Variants in PXDC1 observed in about 807,000 individuals in gnomAD.
PXDC1 encodes the protein PX domain containing 1, also known as PX domain-containing protein 1.
A neutral mutation model predicts 24.4 loss-of-function variants in PXDC1; 13 were observed. That is an observed-to-expected ratio of 0.53 (90% CI 0.35 to 0.85). The LOEUF (loss-of-function observed/expected upper bound fraction) is 0.85. Ranked by LOEUF, PXDC1 falls within the 40% of genes least tolerant of loss-of-function variation. PXDC1 has a pLI of 0.01. For synonymous variants in PXDC1, 162 were observed against 124.9 expected (o/e 1.30, Z -1.98); for missense variants, 344 against 309.3 (o/e 1.11, Z -0.84).
intron 1 of PXDC1, among the ~76,000 whole-genome samples, chr6:3,750,836 G>C (rs1277624471): frequency 6.6e-6 from 1 of 152,106 alleles, no homozygotes; most frequent in Non-Finnish European, 1.5e-5. Context: ...GACCCGACGC[G>C]ACCCCCGGCT....
Position 3,751,440 on chromosome 6 carries a change from C to A in PXDC1, c.92G>T (p.Arg31Leu). 6.3e-7 allele frequency: 1 copy of A among 1,594,492 alleles called. No individual in the cohort carries two copies. The highest frequency in any genetic ancestry group is 8.5e-7 in the Non-Finnish European group (1 of 1,171,576). The change falls in exon 1 of 5, where the codon CGG becomes CTG. Residue 31 changes from arginine (R) to leucine (L), a missense_variant. Arg to Leu is a moderately radical substitution (Grantham distance 102). Transcript: ENST00000380283. Reference sequence around the variant, plus strand: ...GAAGAACTCCTCTTCGTCGCCGCGCCGGCTGACGATGAGCCTGCGGATGCC... The same window carrying A: ...GAAGAACTCCTCTTCGTCGCCGCGCAGGCTGACGATGAGCCTGCGGATGCC... ...VNGIRRLIVS[R>L]RGDEEEFFEI... is the part of the protein sequence containing the mutation.
chr6:3,743,704 G>A (rs1474240819), intron 1 of PXDC1, among the ~76,000 whole-genome samples: 3 of 152,158 alleles, frequency 2.0e-5, no homozygotes, highest in African/African-American at 7.2e-5. Context: ...GCTGCTCTTC[G>A]CTATCCGAGA....
intron 1 of PXDC1, chr6:3,739,161 T>C: frequency 9.0e-7 from 1 of 1,109,088 alleles, no homozygotes; most frequent in East Asian, 6.4e-5. Flanking sequence ...GTTGAATAGG[T>C]CTATAAGAGA....
intron 1 of PXDC1, 126 bp downstream of exon 1, chr6:3,751,150 G>A (rs1760705517): frequency 2.7e-6 from 2 of 748,540 alleles, no homozygotes; most frequent in South Asian, 4.7e-5. Flanking sequence ...CGGGGTCCAA[G>A]TGTCCCCTGT....
At chr6:3,749,685 A>G (rs1488422853) in intron 1 of PXDC1, among the ~76,000 whole-genome samples, 1 of 152,060 alleles carries the variant, frequency 6.6e-6, no homozygotes. Flanking sequence ...GCATTTATGG[A>G]GAACCTGCTC....
chr6:3,749,471 A>T (rs962785080), intron 1 of PXDC1, among the ~76,000 whole-genome samples: 79 of 147,620 alleles, frequency 5.4e-4, no homozygotes, highest in Non-Finnish European at 1.0e-4. Flanking sequence ...GTGTCCACAC[A>T]GCTTGTGACC....
chr6:3,727,456 C>A, intron 4 of PXDC1, 95 bp downstream of exon 4: 1 of 815,718 alleles, frequency 1.2e-6, no homozygotes, highest in Non-Finnish European at 2.0e-6. Context: ...TGGCTCTGGG[C>A]ACCCACTTCC....
intron 3 of PXDC1, among the ~76,000 whole-genome samples, chr6:3,732,403 A>G (rs928431367): frequency 2.0e-5 from 3 of 152,238 alleles, no homozygotes; most frequent in African/African-American, 7.2e-5. Context: ...GAGATTGGCC[A>G]GAAGCCAGAT....
In PXDC1 at chr6:3,723,675, C is replaced by A. The variant is rs781191706; in HGVS notation, c.640G>T (p.Val214Phe). ...AGGTGGTAATATGACAGGTTGGTGACGTAGGCTGCTGGGTCGTCCCCGTCC... is the reference window on the plus strand; with the variant it reads ...AGGTGGTAATATGACAGGTTGGTGAAGTAGGCTGCTGGGTCGTCCCCGTCC... ...LEDGDDPAAY[V>F]TNLSYYHLVP... The change falls in exon 5 of 5, where the codon GTC becomes TTC. Residue 214 changes from valine to phenylalanine, a missense_variant. Coordinates refer to ENST00000380283, the MANE Select transcript of PXDC1 (RefSeq NM_183373.4). 6.2e-7 allele frequency: 1 copy of A among 1,614,176 alleles called. No homozygotes were observed. Among genetic ancestry groups the A allele is most frequent in the East Asian group, 2.2e-5 (1 of 44,880 alleles).
chr6:3,726,843 T>G (rs1760079734), intron 4 of PXDC1, among the ~76,000 whole-genome samples: 2 of 152,226 alleles, frequency 1.3e-5, no homozygotes, highest in African/African-American at 4.8e-5. Context: ...ATCTGTGGTC[T>G]TCAACACAAC....
rs1490366158 is a variant in PXDC1 at position 3,734,930 on chromosome 6, CAA to C, written c.466+2147_466+2148del. Among the ~76,000 whole-genome samples, 10 of 152,140 alleles carry C rather than the reference CAA, an allele frequency of 6.6e-5. 1 individual carries two copies. Among genetic ancestry groups the C allele is most frequent in the Admixed American group, 6.5e-4 (10 of 15,276 alleles). On this transcript the variant is annotated intron_variant, in intron 3 of 4. Transcript: ENST00000380283. The stretch of plus-strand genomic sequence containing the variant: ...CAAAACCTCATCTCTACAAAAAATA[CAA>C]AAACTAGCCTGGCATGATGGGATAC...
intron 1 of PXDC1, among the ~76,000 whole-genome samples, chr6:3,743,623 G>C (rs1194871858): frequency 1.3e-5 from 2 of 152,218 alleles, no homozygotes; most frequent in Non-Finnish European, 2.9e-5. Flanking sequence ...AGCGAGTTAA[G>C]AACTGACTAG....
At chr6:3,734,165 G>T (rs180749280) in intron 3 of PXDC1, among the ~76,000 whole-genome samples, 1 of 152,276 alleles carries the variant, frequency 6.6e-6, no homozygotes, top group Admixed American at 6.5e-5. Flanking sequence ...GTTAAATTTC[G>T]TCTCACTATG....
At chr6:3,750,382 C>T (rs957589335) in intron 1 of PXDC1, among the ~76,000 whole-genome samples, 1 of 152,176 alleles carries the variant, frequency 6.6e-6, no homozygotes, top group Non-Finnish European at 1.5e-5. Flanking sequence ...GGGGTGGGAC[C>T]TGCTCGGAAG....
intron 1 of PXDC1, among the ~76,000 whole-genome samples, chr6:3,750,440 C>A (rs1274321145): frequency 6.6e-6 from 1 of 151,972 alleles, no homozygotes; most frequent in African/African-American, 2.4e-5. Flanking sequence ...TCCCAGGCGG[C>A]CCCTCTCCTC....
At position 3,745,494 on chromosome 6, in the gene PXDC1, G is replaced by T. The variant is rs149357097; in HGVS notation, c.256+5782C>A. 3.6e-3 allele frequency among the ~76,000 whole-genome samples: 544 copies of T among 152,344 alleles called. 6 individuals are homozygous for T. The highest frequency in any genetic ancestry group is 0.012 in the African/African-American group (518 of 41,576). ...ACCCGAGGCTTGAGGAACTTGCCTG[G>T]AATGACATGCAGGTGGCAAAGCCAG... On this transcript the variant is annotated intron_variant, in intron 1 of 4. Coordinates refer to ENST00000380283, the MANE Select transcript of PXDC1 (RefSeq NM_183373.4).
chr6:3,751,657 T>C lies in PXDC1; in HGVS notation c.-126A>G, dbSNP rs1733180015. ...GGGTCGTCCGGGGTCGGCCCGTCACTCCAAGGAGGCTGCGTATGGCCCGCG... is the reference window on the plus strand; with the variant it reads ...GGGTCGTCCGGGGTCGGCCCGTCACCCCAAGGAGGCTGCGTATGGCCCGCG... On this transcript the variant is annotated 5_prime_UTR_variant, in exon 1 of 5. Transcript: ENST00000380283. 7 of 1,285,594 alleles carry C rather than the reference T, an allele frequency of 5.4e-6. No homozygotes were observed. The South Asian group carries it at 9.5e-5, about 18-fold the overall frequency. 79.6% of individuals were successfully genotyped at this position (1,285,594 alleles called of 1,614,324 possible).
At chr6:3,733,721 G>T (rs1177691497) in intron 3 of PXDC1, among the ~76,000 whole-genome samples, 3 of 152,184 alleles carry the variant, frequency 2.0e-5, no homozygotes, top group Admixed American at 6.5e-5. Flanking sequence ...GTTAGCCACT[G>T]GCTGGTGCAG....
chr6:3,749,506 G>A (rs1760651891), intron 1 of PXDC1, among the ~76,000 whole-genome samples: 1 of 145,662 alleles, frequency 6.9e-6, no homozygotes, highest in African/African-American at 2.5e-5. Context: ...GCACAACTAG[G>A]GCGACAGCAA....
Sources: allele counts gnomAD v4.1 joint callset (sites outside exome capture counted in the v4.1 genomes callset), GRCh38; gene constraint gnomAD v4.1.1; transcripts MANE v1.5; gene names NCBI Gene and HGNC (gene_info 2026-07-23, HGNC 2026-07-21).